FANK1: variants seen among roughly 807,000 people sequenced by gnomAD.
The protein encoded by FANK1 is fibronectin type III and ankyrin repeat domains 1.
FANK1 carries 44 observed loss-of-function variants against 45.3 expected under a neutral mutation model. That is an observed-to-expected ratio of 0.97 (90% CI 0.76 to 1.25). The LOEUF is 1.25. Among genes scored for constraint, FANK1 ranks in the 50% most tolerant of loss-of-function variants. The pLI is 0.00. For missense variants in FANK1, 391 were observed against 424.4 expected (o/e 0.92, Z 0.69); for synonymous variants, 149 against 152.5 (o/e 0.98, Z 0.17).
chr10:125,923,809 C>T (rs78888248), intron 1 of FANK1, among the ~76,000 whole-genome samples: 2,765 of 133,200 alleles, frequency 0.021, 85 homozygotes, highest in African/African-American at 0.071. Context: ...ATTACAGGTG[C>T]GAGCCATCGT....
In FANK1 at chr10:125,979,296, C is replaced by T. The variant is rs1029092971; in HGVS notation, c.14-865C>T. ...TTCACTCGCCCCTTCTGTTCCTCTC[C>T]GTGAGAGTCAGGTACACCAGCTGCT... On this transcript the variant is annotated intron_variant, in intron 1 of 10. Coordinates refer to ENST00000368693, the MANE Select transcript of FANK1 (RefSeq NM_145235.5). 5.3e-5 allele frequency among the ~76,000 whole-genome samples: 8 copies of T among 152,274 alleles called. No homozygotes were observed. In the South Asian group the frequency reaches 1.0e-3, roughly 20 times the overall value.
chr10:125,982,380 C>T (rs546958680), intron 2 of FANK1, among the ~76,000 whole-genome samples: 41 of 152,330 alleles, frequency 2.7e-4, no homozygotes, highest in African/African-American at 8.7e-4. Context: ...GGCTGGAGAA[C>T]GCACTCTCAC....
At position 125,928,261 on chromosome 10, in the gene FANK1, C is replaced by CTTTTTTTTTTTTTTTTTTTT. The variant is rs34889746; in HGVS notation, c.13+31624_13+31625insTTTTTTTTTTTTTTTTTTTT. On this transcript the variant is annotated intron_variant, in intron 1 of 10. Transcript: ENST00000368693. ...TAAACAAGGGGTGGATTATTCGTGC[C>CTTTTTTTTTTTTTTTTTTTT]TTTTTTTTTTTTTTTTTTAAAGACC... Among the ~76,000 whole-genome samples the CTTTTTTTTTTTTTTTTTTTT allele has an allele frequency of 1.5e-5, 2 of 137,722 alleles. 1 individual carries two copies. Among genetic ancestry groups the CTTTTTTTTTTTTTTTTTTTT allele is most frequent in the African/African-American group, 5.5e-5 (2 of 36,554 alleles). 90.4% of individuals were successfully genotyped at this position (137,722 alleles called of 152,430 possible). A position where few individuals can be genotyped will look rare whatever the true frequency, so the allele number is the denominator to read the frequency against.
At chr10:125,943,395 C>T (rs904671313) in intron 1 of FANK1, among the ~76,000 whole-genome samples, 3 of 152,014 alleles carry the variant, frequency 2.0e-5, no homozygotes, top group Admixed American at 2.0e-4. Context: ...GATTCGGTGG[C>T]TTTTTATTAT....
intron 9 of FANK1, 36 bp downstream of exon 9, chr10:126,009,167 G>T: frequency 6.2e-7 from 1 of 1,614,048 alleles, no homozygotes; most frequent in Non-Finnish European, 8.5e-7. Flanking sequence ...GATTTTCCTC[G>T]GAGGGGGAGA....
chr10:125,906,385 G>A lies in FANK1; in HGVS notation c.13+9730G>A, dbSNP rs192983841. 7.1e-3 allele frequency among the ~76,000 whole-genome samples: 1,078 copies of A among 151,856 alleles called. 8 individuals are homozygous for A. The highest frequency in any genetic ancestry group is 0.024 in the African/African-American group (1,004 of 41,404). ...ACAAAAATCAGCTGGGCATGGTGGTGTGTGCCTGTAATCCCAGCTACTAGC... is the reference window on the plus strand; with the variant it reads ...ACAAAAATCAGCTGGGCATGGTGGTATGTGCCTGTAATCCCAGCTACTAGC... On this transcript the variant is annotated intron_variant, in intron 1 of 10. Transcript: ENST00000368693.
chr10:125,975,002 C>G (rs549072525), intron 1 of FANK1: 1 of 152,288 alleles, frequency 6.6e-6, no homozygotes, highest in Non-Finnish European at 1.5e-5. Context: ...CTCTCACCCT[C>G]CCGCTTCAGG....
In FANK1 at chr10:125,960,756, C is replaced by T. The variant is rs558172198; in HGVS notation, c.14-19405C>T. Among the ~76,000 whole-genome samples the T allele has an allele frequency of 3.9e-5, 6 of 152,286 alleles. No homozygotes were observed. In the East Asian group the frequency reaches 9.6e-4, roughly 24 times the overall value. On this transcript the variant is annotated intron_variant, in intron 1 of 10. Transcript: ENST00000368693. ...TTCACTGTGTTAGCCAGGATGGTCT[C>T]GATCTCCTGACCTTGTTATCTGCCC...
chr10:126,001,928 G>A lies in FANK1; in HGVS notation c.540-2956G>A, dbSNP rs79675387. 7.7e-3 allele frequency among the ~76,000 whole-genome samples: 1,169 copies of A among 152,204 alleles called. 48 individuals are homozygous for A. The East Asian group carries it at 0.12, about 15-fold the overall frequency. ...ACAGAATCTTAAGAGTTTGTTCTCT[G>A]TGAGGTGAGGCTATGGGTGACTCTG... On this transcript the variant is annotated intron_variant, in intron 6 of 10. Coordinates refer to ENST00000368693, the MANE Select transcript of FANK1 (RefSeq NM_145235.5).
At chr10:125,947,988 A>T (rs1476958258) in intron 1 of FANK1, among the ~76,000 whole-genome samples, 1 of 150,662 alleles carries the variant, frequency 6.6e-6, no homozygotes, top group Non-Finnish European at 1.5e-5. Flanking sequence ...CTACCTGGAA[A>T]CTGAACAACC....
intron 1 of FANK1, among the ~76,000 whole-genome samples, chr10:125,937,913 TG>T (rs1821475334): frequency 6.6e-6 from 1 of 152,182 alleles, no homozygotes; most frequent in Admixed American, 6.5e-5. Flanking sequence ...ACCACGCTAA[TG>T]TTGTACCGAT....
At chr10:125,916,198 C>T (rs1352308166) in intron 1 of FANK1, among the ~76,000 whole-genome samples, 6 of 152,062 alleles carry the variant, frequency 3.9e-5, no homozygotes, top group African/African-American at 1.4e-4. Context: ...CCACCACGCC[C>T]AGCTAATTTT....
At chr10:125,919,272 C>T (rs1285076517) in intron 1 of FANK1, among the ~76,000 whole-genome samples, 1 of 124,912 alleles carries the variant, frequency 8.0e-6, no homozygotes, top group African/African-American at 3.1e-5. Flanking sequence ...GTGGCATGAT[C>T]TTGGCTCACT....
At chr10:125,980,462 T>C in intron 2 of FANK1, 124 bp downstream of exon 2, 1 of 1,130,968 alleles carries the variant, frequency 8.8e-7, no homozygotes, top group East Asian at 2.5e-5. Context: ...TCATTTGTAT[T>C]CATGCTCTTT....
chr10:125,998,743 CT>C (rs34003901), intron 6 of FANK1, among the ~76,000 whole-genome samples: 53,555 of 151,960 alleles, frequency 0.35, 9,919 homozygotes, highest in South Asian at 0.45. Context: ...GAAATGGATA[CT>C]TTTTTTCTGA....
At chr10:125,967,744 C>T (rs974425207) in intron 1 of FANK1, among the ~76,000 whole-genome samples, 3 of 152,232 alleles carry the variant, frequency 2.0e-5, no homozygotes, top group East Asian at 3.8e-4. Context: ...GCTGGGACTA[C>T]AGGCATGTGC....
In FANK1 at chr10:125,956,194, A is replaced by AC. The variant is rs1460056317; in HGVS notation, c.14-23966dup. Among the ~76,000 whole-genome samples, 43 of 50,452 alleles carry AC rather than the reference A, an allele frequency of 8.5e-4. 1 individual carries two copies. Among genetic ancestry groups the AC allele is most frequent in the Admixed American group, 6.6e-3 (26 of 3,914 alleles). The allele number at this position is 50,452 out of a possible 152,430, so 33.1% of individuals were successfully genotyped here. ...AAGCTTAAACCAGTACTTCTATGAT[A>AC]CATTTTTTGGGGGGGGGGCGGTGGT... On this transcript the variant is annotated intron_variant, in intron 1 of 10. Coordinates refer to ENST00000368693, the MANE Select transcript of FANK1 (RefSeq NM_145235.5).
intron 1 of FANK1, among the ~76,000 whole-genome samples, chr10:125,942,083 T>G (rs1051650315): frequency 2.0e-5 from 3 of 152,186 alleles, no homozygotes; most frequent in Admixed American, 2.0e-4. Flanking sequence ...TGAAATGTCA[T>G]GATAATGATG....
intron 1 of FANK1, among the ~76,000 whole-genome samples, chr10:125,945,379 GGCCAGTGGGTGCGCGCACCGTGCGCAA>G (rs1432967061): frequency 1.3e-5 from 2 of 152,206 alleles, no homozygotes; most frequent in African/African-American, 2.4e-5. Flanking sequence ...AGTGGGCGCA[GGCCAGTGGGTGCGCGCACCGTGCGCAA>G]GCCGAAGCAG....
Sources: gnomAD v4.1 joint callset for allele counts (sites outside exome capture counted in the v4.1 genomes callset) on GRCh38, gnomAD v4.1.1 for gene constraint, MANE v1.5 for transcripts, NCBI Gene and HGNC (gene_info 2026-07-23, HGNC 2026-07-21) for gene names.